Variants in LUZP1 observed in about 807,000 individuals in gnomAD.
LUZP1 encodes the protein filamin mechanobinding actin cross-linking protein.
LUZP1 carries 25 observed loss-of-function variants against 71.3 expected under a neutral mutation model. The observed-to-expected ratio is 0.35, with a 90% CI of 0.26 to 0.49. The LOEUF (loss-of-function observed/expected upper bound fraction) is 0.49, where lower values mean the gene tolerates loss of function less well. Ranked by LOEUF, LUZP1 falls within the 20% of genes least tolerant of loss-of-function variation. LUZP1 has a pLI of 0.99. For missense variants in LUZP1, 1,142 were observed against 1,300.8 expected, an observed-to-expected ratio of 0.88 and a Z score of 1.88; for synonymous variants, 481 against 506.4, an observed-to-expected ratio of 0.95 and a Z score of 0.67.
At chr1:23,138,320 TAAAAC>T (rs1644271070) in intron 2 of LUZP1, among the ~76,000 whole-genome samples, 1 of 151,956 alleles carries the variant, frequency 6.6e-6, no homozygotes, top group Non-Finnish European at 1.5e-5. Flanking sequence ...CTTAAAAAAA[TAAAAC>T]AAAGTACTGA....
At chr1:23,132,563 C>A (rs962974667) in intron 2 of LUZP1, among the ~76,000 whole-genome samples, 1 of 150,724 alleles carries the variant, frequency 6.6e-6, no homozygotes, top group Non-Finnish European at 1.5e-5. Flanking sequence ...CTGGAGACAT[C>A]TGAATATGGG....
At chr1:23,090,176 T>C (rs974873999) in intron 4 of LUZP1, among the ~76,000 whole-genome samples, 1 of 152,192 alleles carries the variant, frequency 6.6e-6, no homozygotes, top group Non-Finnish European at 1.5e-5. Flanking sequence ...GAGACAGGAA[T>C]CTTGGATTCA....
intron 1 of LUZP1, among the ~76,000 whole-genome samples, chr1:23,172,577 C>T (rs544314889): frequency 5.9e-5 from 9 of 151,366 alleles, no homozygotes; most frequent in African/African-American, 1.9e-4. Context: ...TGCAGTGGCA[C>T]GATCTGGGCT....
chr1:23,143,085 T>G (rs1569659363), intron 2 of LUZP1, among the ~76,000 whole-genome samples: 1 of 152,060 alleles, frequency 6.6e-6, no homozygotes, highest in African/African-American at 2.4e-5. Flanking sequence ...CTCCACTCAG[T>G]GCAACCTCCA....
chr1:23,141,481 C>T (rs955176555), intron 2 of LUZP1, among the ~76,000 whole-genome samples: 1 of 152,088 alleles, frequency 6.6e-6, no homozygotes, highest in Admixed American at 6.5e-5. Flanking sequence ...TGGCCAATTG[C>T]AATGAGTCTC....
intron 2 of LUZP1, among the ~76,000 whole-genome samples, chr1:23,145,601 G>A (rs1644336967): frequency 6.6e-6 from 1 of 151,666 alleles, no homozygotes; most frequent in African/African-American, 2.4e-5. Flanking sequence ...TCCTGAGTAG[G>A]TGGGATTACA....
intron 3 of LUZP1, among the ~76,000 whole-genome samples, chr1:23,098,621 G>A (rs1643906980): frequency 6.6e-6 from 1 of 152,086 alleles, no homozygotes; most frequent in South Asian, 2.1e-4. Flanking sequence ...GAAGTTAGGG[G>A]CAGTGACTCA....
At chr1:23,109,879 TAGAA>T (rs1357508310) in intron 2 of LUZP1, among the ~76,000 whole-genome samples, 1 of 152,058 alleles carries the variant, frequency 6.6e-6, no homozygotes, top group Non-Finnish European at 1.5e-5. Flanking sequence ...AACTAAAACT[TAGAA>T]AGGGTGAGTC....
At chr1:23,110,402 G>A (rs180913879) in intron 2 of LUZP1, among the ~76,000 whole-genome samples, 22 of 152,254 alleles carry the variant, frequency 1.4e-4, no homozygotes, top group Admixed American at 1.2e-3. Flanking sequence ...TACTCTTGAG[G>A]AAAATGGAAA....
chr1:23,144,875 G>A (rs1354948888), intron 2 of LUZP1, among the ~76,000 whole-genome samples: 1 of 151,888 alleles, frequency 6.6e-6, no homozygotes, highest in Admixed American at 6.6e-5. Context: ...TTTCATTTTG[G>A]TGGGGGTTTT....
intron 2 of LUZP1, among the ~76,000 whole-genome samples, chr1:23,149,785 AACCCCGTCTC>A (rs1230825238): frequency 3.5e-4 from 53 of 152,018 alleles, no homozygotes; most frequent in Non-Finnish European, 6.9e-4. Context: ...AACATGGTGA[AACCCCGTCTC>A]TACTGAAAAT....
intron 2 of LUZP1, among the ~76,000 whole-genome samples, chr1:23,144,900 G>A (rs1304752014): frequency 1.3e-5 from 2 of 151,822 alleles, no homozygotes; most frequent in Non-Finnish European, 2.9e-5. Flanking sequence ...GGATTTTTTG[G>A]TTGTTTTTTC....
At chr1:23,103,588 A>G (rs528645726) in intron 3 of LUZP1, among the ~76,000 whole-genome samples, 1 of 151,936 alleles carries the variant, frequency 6.6e-6, no homozygotes, top group African/African-American at 2.4e-5. Context: ...AACTCACTCC[A>G]TCTTTGGACA....
chr1:23,114,749 C>T (rs886731679), intron 2 of LUZP1, among the ~76,000 whole-genome samples: 4 of 152,210 alleles, frequency 2.6e-5, no homozygotes, highest in Non-Finnish European at 5.9e-5. Flanking sequence ...TAAGACAACG[C>T]ACCCTCTAAG....
chr1:23,084,232 T>TAA (rs1012452768), exon 5 of LUZP1: 4 of 152,120 alleles, frequency 2.6e-5, no homozygotes, highest in African/African-American at 9.7e-5. Flanking sequence ...TCTGGAAGCT[T>TAA]AAAGTCTAAA....
At chr1:23,088,617 G>A (rs949335272) in exon 5 of LUZP1, 1 of 329,070 alleles carries the variant, frequency 3.0e-6, no homozygotes, top group South Asian at 5.8e-5. Context: ...CCTTGTTTGG[G>A]GGCCAGAATG....
intron 2 of LUZP1, among the ~76,000 whole-genome samples, chr1:23,135,450 C>T (rs1644245948): frequency 6.6e-6 from 1 of 152,178 alleles, no homozygotes; most frequent in Non-Finnish European, 1.5e-5. Flanking sequence ...GGGTAGACTT[C>T]AGAGATTTTC....
intron 2 of LUZP1, among the ~76,000 whole-genome samples, chr1:23,136,790 G>A: frequency 6.6e-6 from 1 of 152,108 alleles, no homozygotes; most frequent in East Asian, 1.9e-4. Context: ...GGTGGTGGGT[G>A]CCTGTAGTCC....
At chr1:23,134,354 C>G (rs748043347) in intron 2 of LUZP1, among the ~76,000 whole-genome samples, 1 of 151,340 alleles carries the variant, frequency 6.6e-6, no homozygotes, top group Non-Finnish European at 1.5e-5. Context: ...TGGTGGTGCA[C>G]GTCTGCAGAC....
Sources: gnomAD v4.1 joint callset for allele counts (sites outside exome capture counted in the v4.1 genomes callset) on GRCh38, gnomAD v4.1.1 for gene constraint, MANE v1.5 for transcripts, NCBI Gene and HGNC (gene_info 2026-07-23, HGNC 2026-07-21) for gene names.